WWTR1: variants seen among roughly 807,000 people sequenced by gnomAD.
WWTR1 encodes the protein WW domain containing transcription regulator 1.
Under a neutral mutation model 40.1 loss-of-function variants are expected in WWTR1, and 13 were observed. The ratio of observed to expected loss-of-function variants is 0.32; its 90% confidence interval spans 0.21 to 0.52. The LOEUF (loss-of-function observed/expected upper bound fraction) is 0.52, where lower values mean the gene tolerates loss of function less well. WWTR1 is among the 20% of genes least tolerant of loss of function. The probability of loss-of-function intolerance (pLI) is 0.97; values close to 1 mark genes in which losing one functional copy is unlikely to be tolerated. For missense variants in WWTR1, 436 were observed against 523.1 expected, an observed-to-expected ratio of 0.83 and a Z score of 1.63; for synonymous variants, 230 against 210.1, an observed-to-expected ratio of 1.09 and a Z score of -0.82.
At position 149,657,070 on chromosome 3, in the gene WWTR1, A is replaced by G. The variant is rs748350499; in HGVS notation, c.237T>C (p.Ala79=). 2 of 1,569,676 alleles carry G rather than the reference A, an allele frequency of 1.3e-6. No homozygotes were observed. The highest frequency in any genetic ancestry group is 1.7e-6 in the Non-Finnish European group (2 of 1,161,700). ...GCGAGCGGACATGCTGGGCACCCCCAGCCAGTCGAGGCCCCGGGTGGCCGC... is the reference window on the plus strand; with the variant it reads ...GCGAGCGGACATGCTGGGCACCCCCGGCCAGTCGAGGCCCCGGGTGGCCGC... ...SSGGHPGPRL[A]GGAQHVRSHS... The change falls in exon 2 of 7, where the codon GCT becomes GCC. Residue 79 remains alanine, a synonymous_variant. Coordinates refer to ENST00000360632, the MANE Select transcript of WWTR1 (RefSeq NM_015472.6).
intron 3 of WWTR1, among the ~76,000 whole-genome samples, chr3:149,551,475 C>T (rs868718383): frequency 6.9e-6 from 1 of 145,660 alleles, no homozygotes. Context: ...GATATTTGGG[C>T]CAGTAAGTTC....
upstream of WWTR1, among the ~76,000 whole-genome samples, chr3:149,662,679 T>C (rs1042953132): frequency 6.6e-6 from 1 of 152,208 alleles, no homozygotes; most frequent in African/African-American, 2.4e-5. Context: ...ATGATGTCAT[T>C]ACCCAGCTCA....
At chr3:149,616,835 T>G (rs538651577) in intron 2 of WWTR1, among the ~76,000 whole-genome samples, 1 of 152,206 alleles carries the variant, frequency 6.6e-6, no homozygotes, top group East Asian at 1.9e-4. Context: ...CTAAGTTATT[T>G]AGGACAAAGG....
At chr3:149,691,829 A>G (rs1714835865) in intron 1 of WWTR1, among the ~76,000 whole-genome samples, 1 of 152,160 alleles carries the variant, frequency 6.6e-6, no homozygotes, top group Non-Finnish European at 1.5e-5. Context: ...ATCCTGGCCA[A>G]CACGGTGAAA....
At chr3:149,621,209 T>G (rs1229717007) in intron 2 of WWTR1, among the ~76,000 whole-genome samples, 1 of 152,224 alleles carries the variant, frequency 6.6e-6, no homozygotes, top group African/African-American at 2.4e-5. Context: ...TAGGCCTCCC[T>G]TATAAAGAAA....
chr3:149,576,013 T>C (rs1463073267), intron 2 of WWTR1: 6 of 456,510 alleles, frequency 1.3e-5, no homozygotes, highest in Middle Eastern at 3.2e-4. Flanking sequence ...AGTGGATTTG[T>C]TAATTAAAAG....
chr3:149,598,377 T>C lies in WWTR1; in HGVS notation c.432-25377A>G, dbSNP rs184675781. Reference sequence around the variant, plus strand: ...AATCCTGGAAAAATTATTATCCCCATCTTATAAATGAGGAAACTGAGGCTC... The same window carrying C: ...AATCCTGGAAAAATTATTATCCCCACCTTATAAATGAGGAAACTGAGGCTC... On this transcript the variant is annotated intron_variant, in intron 2 of 6. Coordinates refer to ENST00000360632, the MANE Select transcript of WWTR1 (RefSeq NM_015472.6). Among the ~76,000 whole-genome samples, 476 of 152,334 alleles carry C rather than the reference T, an allele frequency of 3.1e-3. 1 individual carries two copies. Among genetic ancestry groups the C allele is most frequent in the Non-Finnish European group, 3.6e-3 (245 of 68,028 alleles).
At chr3:149,533,451 A>G (rs1206183907) in intron 4 of WWTR1, among the ~76,000 whole-genome samples, 1 of 152,244 alleles carries the variant, frequency 6.6e-6, no homozygotes, top group Non-Finnish European at 1.5e-5. Flanking sequence ...ATGAACTGTC[A>G]CAGGAAAGAA....
intron 2 of WWTR1, among the ~76,000 whole-genome samples, chr3:149,645,795 ATTT>A (rs150142433): frequency 6.7e-6 from 1 of 150,290 alleles, no homozygotes; most frequent in Non-Finnish European, 1.5e-5. Flanking sequence ...ACAAATGAAT[ATTT>A]TTTTTTTAAA....
At chr3:149,631,777 C>T (rs181927821) in intron 2 of WWTR1, among the ~76,000 whole-genome samples, 14 of 152,282 alleles carry the variant, frequency 9.2e-5, no homozygotes, top group East Asian at 3.9e-4. Context: ...TTAACACACA[C>T]GAAGGGAGAC....
chr3:149,609,698 T>G (rs1390854911), intron 2 of WWTR1, among the ~76,000 whole-genome samples: 1 of 152,202 alleles, frequency 6.6e-6, no homozygotes, highest in Non-Finnish European at 1.5e-5. Flanking sequence ...TTCTCGACCT[T>G]TGCACTAGGA....
At chr3:149,634,699 C>A (rs1017537368) in intron 2 of WWTR1, among the ~76,000 whole-genome samples, 1 of 152,184 alleles carries the variant, frequency 6.6e-6, no homozygotes, top group Non-Finnish European at 1.5e-5. Context: ...TGTGCAAGTC[C>A]ACCTCTCCTG....
chr3:149,568,981 C>T (rs11717775), intron 3 of WWTR1, among the ~76,000 whole-genome samples: 88,467 of 152,022 alleles, frequency 0.58, 26,490 homozygotes, highest in East Asian at 0.81. Context: ...TTAGCCATCA[C>T]GGTCTCGATC....
chr3:149,641,507 G>T (rs1175744533), intron 2 of WWTR1, among the ~76,000 whole-genome samples: 2 of 152,154 alleles, frequency 1.3e-5, no homozygotes, highest in Admixed American at 6.5e-5. Context: ...TCCTTTAATG[G>T]TTTTCAACAA....
intron 3 of WWTR1, among the ~76,000 whole-genome samples, chr3:149,571,392 T>A (rs963857494): frequency 6.6e-6 from 1 of 152,160 alleles, no homozygotes; most frequent in Admixed American, 6.5e-5. Context: ...GGGGTCTCTT[T>A]ACTACAGTGG....
intron 1 of WWTR1, among the ~76,000 whole-genome samples, chr3:149,701,140 T>G (rs1463896573): frequency 6.6e-6 from 1 of 152,222 alleles, no homozygotes; most frequent in Admixed American, 6.5e-5. Context: ...GCCTTTCTTT[T>G]TTTTTCTTTT....
intron 4 of WWTR1, among the ~76,000 whole-genome samples, chr3:149,718,907 C>T (rs1295719527): frequency 1.3e-5 from 2 of 150,894 alleles, no homozygotes; most frequent in African/African-American, 2.4e-5. Flanking sequence ...TTCAGTGCAA[C>T]GTCTGCCTCC....
In WWTR1 at chr3:149,656,948, A is replaced by G; in HGVS notation, c.359T>C (p.Val120Ala). The change falls in exon 2 of 7, where the codon GTG becomes GCG. Residue 120 changes from valine (V) to alanine (A), a missense_variant. Physicochemically the swap from Val to Ala is moderately conservative, Grantham distance 64. Transcript: ENST00000360632. ...HAHLRQQSYD[V>A]TDELPLPPGW... ...CGGGGGCAGTGGCAGCTCGTCGGTC[A>G]CGTCGTAGGACTGCTGGCGGAGGTG... 6.3e-7 allele frequency: 1 copy of G among 1,579,740 alleles called. No individual in the cohort carries two copies. Among genetic ancestry groups the G allele is most frequent in the Non-Finnish European group, 8.6e-7 (1 of 1,166,376 alleles).
chr3:149,618,145 T>C (rs1411366431), intron 2 of WWTR1, among the ~76,000 whole-genome samples: 1 of 152,218 alleles, frequency 6.6e-6, no homozygotes, highest in African/African-American at 2.4e-5. Context: ...ATTCCAAAGA[T>C]AAAGCCTGTG....
Sources: allele counts gnomAD v4.1 joint callset (sites outside exome capture counted in the v4.1 genomes callset), GRCh38; gene constraint gnomAD v4.1.1; transcripts MANE v1.5; gene names NCBI Gene and HGNC (gene_info 2026-07-23, HGNC 2026-07-21).